Variants in CNKSR3 observed in about 807,000 individuals in gnomAD.
CNKSR3 encodes CNKSR family member 3, also known as connector enhancer of kinase suppressor of ras 3.
Under a neutral mutation model 67.7 loss-of-function variants are expected in CNKSR3, and 36 were observed. The ratio of observed to expected loss-of-function variants is 0.53; its 90% CI spans 0.41 to 0.70. The LOEUF is 0.70. Among genes scored for constraint, CNKSR3 ranks in the 30% least tolerant of loss-of-function variants. The probability of loss-of-function intolerance (pLI) is 0.00; values close to 1 mark genes in which losing one functional copy is unlikely to be tolerated. For synonymous variants in CNKSR3, 281 were observed against 271.4 expected, an observed-to-expected ratio of 1.04 and a Z score of -0.35; for missense variants, 630 against 695.2, an observed-to-expected ratio of 0.91 and a Z score of 1.05.
At chr6:154,414,457 G>A (rs765920214) in intron 9 of CNKSR3, 34 bp from the exon 10 acceptor site, 26 of 1,561,918 alleles carry the variant, frequency 1.7e-5, no homozygotes, top group East Asian at 4.5e-5. Flanking sequence ...TGCAAAGAGT[G>A]GAGATCAATT....
intron 5 of CNKSR3, among the ~76,000 whole-genome samples, chr6:154,431,074 C>A (rs1163544081): frequency 1.3e-5 from 2 of 151,826 alleles, no homozygotes; most frequent in African/African-American, 2.4e-5. Flanking sequence ...TCCCATATAT[C>A]CCCTCCACCA....
In CNKSR3 at chr6:154,399,280, G is replaced by A. The variant is rs1784692119; in HGVS notation, c.*7074C>T. 1 of 152,198 alleles carries A rather than the reference G, an allele frequency of 6.6e-6. No individual in the cohort carries two copies. The highest frequency in any genetic ancestry group is 2.1e-4 in the South Asian group (1 of 4,824). 9.4% of individuals were successfully genotyped at this position (152,198 alleles called of 1,614,324 possible). On this transcript the variant is annotated 3_prime_UTR_variant, in exon 13 of 13. Coordinates refer to ENST00000607772, the MANE Select transcript of CNKSR3 (RefSeq NM_173515.4). The stretch of plus-strand genomic sequence containing the variant: ...AGAATGAGCAATTTCCTGTTGGCCA[G>A]CTCTGAATACCTTATTCACTAGAGG...
At chr6:154,413,139 T>TACACACACACAC (rs60788837) in intron 10 of CNKSR3, among the ~76,000 whole-genome samples, 62 of 145,114 alleles carry the variant, frequency 4.3e-4, no homozygotes, top group African/African-American at 1.3e-3. Context: ...GAATTTATGG[T>TACACACACACAC]ACACACACAC....
intron 9 of CNKSR3, among the ~76,000 whole-genome samples, chr6:154,416,840 G>C (rs939410878): frequency 1.3e-5 from 2 of 152,176 alleles, no homozygotes; most frequent in African/African-American, 4.8e-5. Flanking sequence ...AATGGTGTCT[G>C]CATTTTGATG....
intron 1 of CNKSR3, among the ~76,000 whole-genome samples, chr6:154,493,895 AT>A (rs1005659157): frequency 1.6e-4 from 25 of 152,124 alleles, no homozygotes; most frequent in African/African-American, 6.0e-4. Context: ...CTCCTCCAAC[AT>A]TAAGGATCAC....
intron 1 of CNKSR3, among the ~76,000 whole-genome samples, chr6:154,495,683 T>G (rs1343390598): frequency 6.6e-6 from 1 of 152,020 alleles, no homozygotes; most frequent in Admixed American, 6.6e-5. Context: ...CCTCAACACA[T>G]TTCTAATGAT....
Position 154,396,379 on chromosome 6 carries a change from T to C in CNKSR3, c.*9975A>G, listed in dbSNP as rs1169963457. On this transcript the variant is annotated 3_prime_UTR_variant, in exon 13 of 13. Coordinates refer to ENST00000607772, the MANE Select transcript of CNKSR3 (RefSeq NM_173515.4). ...TGAGAGCCAATGTAATAAAATTCTT[T>C]ATGGAATAGTCTGCAAAATGCTTTA... 2.6e-5 allele frequency: 4 copies of C among 152,220 alleles called. No individual in the cohort carries two copies. Among genetic ancestry groups the C allele is most frequent in the Admixed American group, 6.5e-5 (1 of 15,288 alleles). The allele number at this position is 152,220 out of a possible 1,614,324, so 9.4% of individuals were successfully genotyped here.
In CNKSR3 at chr6:154,398,814, G is replaced by T. The variant is rs1438104317; in HGVS notation, c.*7540C>A. 1 of 152,256 alleles carries T rather than the reference G, an allele frequency of 6.6e-6. No individual in the cohort carries two copies. The highest frequency in any genetic ancestry group is 1.5e-5 in the Non-Finnish European group (1 of 68,068). 9.4% of individuals were successfully genotyped at this position (152,256 alleles called of 1,614,324 possible). Reference sequence around the variant, plus strand: ...AGAATACTCTAGGCGGGGCGCAGTGGCTCACGCCTGTAATCCCAACACTTT... The same window carrying T: ...AGAATACTCTAGGCGGGGCGCAGTGTCTCACGCCTGTAATCCCAACACTTT... On this transcript the variant is annotated 3_prime_UTR_variant, in exon 13 of 13. Coordinates refer to ENST00000607772, the MANE Select transcript of CNKSR3 (RefSeq NM_173515.4).
At chr6:154,507,909 T>C (rs1312428818) in intron 1 of CNKSR3, among the ~76,000 whole-genome samples, 1 of 152,154 alleles carries the variant, frequency 6.6e-6, no homozygotes, top group Non-Finnish European at 1.5e-5. Context: ...CATAACAGGA[T>C]GTGATTTTAC....
At chr6:154,474,356 T>C (rs1786396358) in intron 1 of CNKSR3, among the ~76,000 whole-genome samples, 1 of 149,422 alleles carries the variant, frequency 6.7e-6, no homozygotes, top group Non-Finnish European at 1.5e-5. Flanking sequence ...GAGGTTGCAG[T>C]GAGCTGAGAT....
Position 154,397,179 on chromosome 6 carries a change from G to A in CNKSR3, c.*9175C>T, listed in dbSNP as rs1584040194. ...GGCTTTGTATTTTATGTTGGCTAAA[G>A]AGAATGATTCAATAAGACTATAGGA... is the stretch of plus-strand genomic sequence containing the variant. On this transcript the variant is annotated 3_prime_UTR_variant, in exon 13 of 13. Coordinates refer to ENST00000607772, the MANE Select transcript of CNKSR3 (RefSeq NM_173515.4). 6.6e-6 allele frequency: 1 copy of A among 152,164 alleles called. No homozygotes were observed. The highest frequency in any genetic ancestry group is 1.5e-5 in the Non-Finnish European group (1 of 68,020). 9.4% of individuals were successfully genotyped at this position (152,164 alleles called of 1,614,324 possible).
At chr6:154,508,298 A>C (rs992481557) in intron 1 of CNKSR3, among the ~76,000 whole-genome samples, 6 of 152,206 alleles carry the variant, frequency 3.9e-5, no homozygotes, top group Admixed American at 3.9e-4. Context: ...ATGTAATAAA[A>C]AGTATTAAGA....
chr6:154,456,135 TC>T (rs1785949597), intron 1 of CNKSR3, among the ~76,000 whole-genome samples: 1 of 152,134 alleles, frequency 6.6e-6, no homozygotes, highest in South Asian at 2.1e-4. Flanking sequence ...GTGGAAAGTG[TC>T]CCACAGACCA....
chr6:154,440,276 CTGTT>C (rs1270763359), intron 4 of CNKSR3, among the ~76,000 whole-genome samples: 7 of 152,170 alleles, frequency 4.6e-5, no homozygotes, highest in African/African-American at 1.7e-4. Context: ...AATTGCATCT[CTGTT>C]ATGGCATGGT....
At chr6:154,415,027 G>A (rs1171658528) in intron 9 of CNKSR3, among the ~76,000 whole-genome samples, 1 of 147,658 alleles carries the variant, frequency 6.8e-6, no homozygotes, top group Non-Finnish European at 1.5e-5. Flanking sequence ...GAGCCCAGGA[G>A]GCAGAAGTTG....
chr6:154,454,600 C>T (rs1785912462), intron 1 of CNKSR3, among the ~76,000 whole-genome samples: 1 of 152,148 alleles, frequency 6.6e-6, no homozygotes, highest in African/African-American at 2.4e-5. Context: ...TAGCTCACTG[C>T]AGCCTTGAAT....
chr6:154,483,988 A>G (rs1181023875), intron 1 of CNKSR3, among the ~76,000 whole-genome samples: 1 of 152,146 alleles, frequency 6.6e-6, no homozygotes, highest in African/African-American at 2.4e-5. Flanking sequence ...CTACAAAGCC[A>G]TAGGTTTTAT....
intron 1 of CNKSR3, among the ~76,000 whole-genome samples, chr6:154,508,130 A>G (rs1031087238): frequency 6.6e-6 from 1 of 152,218 alleles, no homozygotes; most frequent in African/African-American, 2.4e-5. Flanking sequence ...CTACAGCAGA[A>G]CTGTCCAATA....
In CNKSR3 at chr6:154,400,254, A is replaced by C. The variant is rs1453791009; in HGVS notation, c.*6100T>G. The C allele has an allele frequency of 6.6e-6, 1 of 152,240 alleles. No individual in the cohort carries two copies. Among genetic ancestry groups the C allele is most frequent in the Non-Finnish European group, 1.5e-5 (1 of 68,062 alleles). The allele number at this position is 152,240 out of a possible 1,614,324, so 9.4% of individuals were successfully genotyped here. A position where few individuals can be genotyped will look rare whatever the true frequency, so the allele number is the denominator to read the frequency against. On this transcript the variant is annotated 3_prime_UTR_variant, in exon 13 of 13. Transcript: ENST00000607772. ...AGCAGTGACTCCAATGGTCAGTGAC[A>C]TGCAGGAGGAAACGCAGGATTAGGA...
Sources: allele counts gnomAD v4.1 joint callset (sites outside exome capture counted in the v4.1 genomes callset), GRCh38; gene constraint gnomAD v4.1.1; transcripts MANE v1.5; gene names NCBI Gene and HGNC (gene_info 2026-07-23, HGNC 2026-07-21).